Variants in DMAC2L observed in about 807,000 individuals in gnomAD.
DMAC2L encodes the protein distal membrane arm assembly component 2 like.
Under a neutral mutation model 22.5 loss-of-function variants are expected in DMAC2L, and 21 were observed. That is an observed-to-expected ratio of 0.93 (90% CI 0.66 to 1.34). The LOEUF is 1.34. Ranked by LOEUF, DMAC2L falls within the 40% of genes most tolerant of loss-of-function variation. The pLI, the probability that DMAC2L is intolerant of heterozygous loss-of-function variation, is 0.00. For synonymous variants in DMAC2L, 86 were observed against 89.5 expected, an observed-to-expected ratio of 0.96 and a Z score of 0.22; for missense variants, 239 against 246.5, an observed-to-expected ratio of 0.97 and a Z score of 0.20.
At chr14:50,314,249 G>A (rs971709153) in intron 1 of DMAC2L, among the ~76,000 whole-genome samples, 4 of 152,212 alleles carry the variant, frequency 2.6e-5, no homozygotes, top group Admixed American at 2.0e-4. Context: ...TAGTGAATGA[G>A]CCTCACAAGA....
chr14:50,319,280 G>A (rs748014591), intron 2 of DMAC2L: 14 of 1,535,960 alleles, frequency 9.1e-6, no homozygotes, highest in Admixed American at 2.0e-5. Flanking sequence ...GAAGACGGCT[G>A]TAGTGAAAAA....
chr14:50,321,659 C>A, intron 3 of DMAC2L, 65 bp downstream of exon 3: 1 of 1,197,378 alleles, frequency 8.4e-7, no homozygotes, highest in South Asian at 1.3e-5. Flanking sequence ...TTCCCAATAG[C>A]TTGTTTGGCT....
In DMAC2L at chr14:50,321,544, G is replaced by C. The variant is rs1269350332; in HGVS notation, c.57G>C (p.Trp19Cys). ...TGTGTGGCGTAAAGAAACTCCCATG[G>C]TCATGTGACTCCAGATACTTCTGGG... ...QQLCGVKKLP[W>C]SCDSRYFWGW... Residue 19 changes from tryptophan to cysteine, a missense_variant, in exon 3 of 6, where the codon TGG (tryptophan) becomes TGC (cysteine). By Grantham distance (215) the Trp-to-Cys change is radical (BLOSUM62 -2). Coordinates refer to ENST00000557421, the MANE Select transcript of DMAC2L (RefSeq NM_001382507.1). 1 of 1,613,976 alleles carries C rather than the reference G, an allele frequency of 6.2e-7. No individual in the cohort carries two copies. Among genetic ancestry groups the C allele is most frequent in the East Asian group, 2.2e-5 (1 of 44,882 alleles).
At chr14:50,317,239 G>C (rs954642057) in intron 2 of DMAC2L, among the ~76,000 whole-genome samples, 3 of 152,100 alleles carry the variant, frequency 2.0e-5, no homozygotes, top group Non-Finnish European at 4.4e-5. Context: ...CTTGGTCACT[G>C]TTGGTGTATA....
chr14:50,327,458 AC>A lies in DMAC2L; in HGVS notation c.*1736del, dbSNP rs1220135069. ...ATAGATTTCTGTGTGTTTGATTTGA[AC>A]TTTTTTTTTTTTTTTTTTTTTTTTG... On this transcript the variant is annotated 3_prime_UTR_variant, in exon 6 of 6. Transcript: ENST00000557421. The A allele has an allele frequency of 1.6e-5, 2 of 125,644 alleles. No individual in the cohort carries two copies. Among genetic ancestry groups the A allele is most frequent in the Admixed American group, 1.8e-4 (2 of 10,906 alleles). The allele number at this position is 125,644 out of a possible 1,614,324, so 7.8% of individuals were successfully genotyped here. A position where few individuals can be genotyped will look rare whatever the true frequency, so the allele number is the denominator to read the frequency against.
Position 50,321,554 on chromosome 14 carries a change from T to C in DMAC2L, c.67T>C (p.Ser23Pro), listed in dbSNP as rs1304262492. The change falls in exon 3 of 6, where the codon TCC becomes CCC. Residue 23 changes from serine (S) to proline (P), a missense_variant. Coordinates refer to ENST00000557421, the MANE Select transcript of DMAC2L (RefSeq NM_001382507.1). ...AAAGAAACTCCCATGGTCATGTGACTCCAGATACTTCTGGGGCTGGTTGAA... is the reference window on the plus strand; with the variant it reads ...AAAGAAACTCCCATGGTCATGTGACCCCAGATACTTCTGGGGCTGGTTGAA... ...GVKKLPWSCD[S>P]RYFWGWLNAV... 2 of 1,614,082 alleles carry C rather than the reference T, an allele frequency of 1.2e-6. No individual in the cohort carries two copies. The highest frequency in any genetic ancestry group is 1.7e-6 in the Non-Finnish European group (2 of 1,179,930).
At chr14:50,325,177 C>T (rs933891449) in intron 5 of DMAC2L, among the ~76,000 whole-genome samples, 11 of 152,120 alleles carry the variant, frequency 7.2e-5, no homozygotes, top group African/African-American at 1.9e-4. Context: ...CTGCCAGTAA[C>T]CTCAGTATCA....
intron 1 of DMAC2L, among the ~76,000 whole-genome samples, chr14:50,313,441 C>T (rs1595175419): frequency 6.6e-6 from 1 of 152,230 alleles, no homozygotes; most frequent in South Asian, 2.1e-4. Context: ...CACAGTGAAG[C>T]ATTTGCTACG....
At position 50,324,411 on chromosome 14, in the gene DMAC2L, C is replaced by T. The variant is rs569603246; in HGVS notation, c.488+295C>T. The stretch of plus-strand genomic sequence containing the variant: ...AAGCATCAACGATTATGCTTTCTCT[C>T]CTTTTTTTTTAAAGCAGTTTCTCCT... On this transcript the variant is annotated intron_variant, in intron 5 of 5. Transcript: ENST00000557421. 7.8e-4 allele frequency: 141 copies of T among 180,328 alleles called. 3 individuals are homozygous for T. The South Asian group carries it at 0.023, about 30-fold the overall frequency. 11.2% of individuals were successfully genotyped at this position (180,328 alleles called of 1,614,324 possible). A position where few individuals can be genotyped will look rare whatever the true frequency, so the allele number is the denominator to read the frequency against.
upstream of DMAC2L, chr14:50,311,872 T>C: frequency 8.6e-7 from 1 of 1,158,038 alleles, no homozygotes; most frequent in Non-Finnish European, 1.2e-6. Context: ...GCTCCTGGGA[T>C]CCGAGGTTGG....
chr14:50,319,163 A>C, intron 2 of DMAC2L: 1 of 1,530,246 alleles, frequency 6.5e-7, no homozygotes, highest in African/African-American at 1.4e-5. Context: ...TAAGATTGAC[A>C]ACTAATAGAG....
At chr14:50,316,781 G>A (rs1198634620) in intron 2 of DMAC2L, among the ~76,000 whole-genome samples, 1 of 152,168 alleles carries the variant, frequency 6.6e-6, no homozygotes, top group East Asian at 1.9e-4. Context: ...GTACCATGCT[G>A]TTTTGGTGAC....
At chr14:50,322,780 G>A in intron 4 of DMAC2L, 61 bp downstream of exon 4, 1 of 1,608,072 alleles carries the variant, frequency 6.2e-7, no homozygotes, top group Non-Finnish European at 8.5e-7. Context: ...CCATTTTGTT[G>A]CAGTTGACTC....
chr14:50,317,204 G>A lies in DMAC2L; in HGVS notation c.-6+2578G>A, dbSNP rs182314682. On this transcript the variant is annotated intron_variant, in intron 2 of 5. Coordinates refer to ENST00000557421, the MANE Select transcript of DMAC2L (RefSeq NM_001382507.1). The stretch of plus-strand genomic sequence containing the variant: ...TGTGTGTGTGGCTATTATAAAAGGG[G>A]TTGAGTTCTTGGTTTGATTCTCAGC... 9.5e-4 allele frequency among the ~76,000 whole-genome samples: 144 copies of A among 152,190 alleles called. 2 individuals are homozygous for A. In the East Asian group the frequency reaches 0.026, roughly 28 times the overall value.
At position 50,327,444 on chromosome 14, in the gene DMAC2L, T is replaced by C. The variant is rs1422736563; in HGVS notation, c.*1721T>C. The C allele has an allele frequency of 1.3e-5, 2 of 150,888 alleles. No homozygotes were observed. The highest frequency in any genetic ancestry group is 4.9e-5 in the African/African-American group (2 of 41,094). The allele number at this position is 150,888 out of a possible 1,614,324, so 9.3% of individuals were successfully genotyped here. ...ATGCCAGTTTGTTTATAGATTTCTG[T>C]GTGTTTGATTTGAACTTTTTTTTTT... On this transcript the variant is annotated 3_prime_UTR_variant, in exon 6 of 6. Coordinates refer to ENST00000557421, the MANE Select transcript of DMAC2L (RefSeq NM_001382507.1).
chr14:50,316,966 A>G (rs1472366162), intron 2 of DMAC2L, among the ~76,000 whole-genome samples: 2 of 152,138 alleles, frequency 1.3e-5, no homozygotes, highest in African/African-American at 4.8e-5. Context: ...ATTGATGGGA[A>G]GACTAATATC....
At chr14:50,321,343 A>G in intron 2 of DMAC2L, 140 bp from the exon 3 acceptor site, 1 of 1,369,884 alleles carries the variant, frequency 7.3e-7, no homozygotes, top group African/African-American at 1.5e-5. Flanking sequence ...AACAAGAAAC[A>G]GGAGTGACTT....
At chr14:50,322,945 T>G in intron 4 of DMAC2L, 1 of 1,399,690 alleles carries the variant, frequency 7.1e-7, no homozygotes. Flanking sequence ...ATGTCTCTAG[T>G]CTTTGGTTTA....
In DMAC2L at chr14:50,321,543, G is replaced by A; in HGVS notation, c.56G>A (p.Trp19Ter). 6.2e-7 allele frequency: 1 copy of A among 1,614,038 alleles called. No homozygotes were observed. The highest frequency in any genetic ancestry group is 1.1e-5 in the South Asian group (1 of 91,078). The change falls in exon 3 of 6, where the codon TGG becomes TAG. Residue 19 changes from tryptophan (W) to a stop codon, truncating the protein, a stop_gained. Coordinates refer to ENST00000557421, the MANE Select transcript of DMAC2L (RefSeq NM_001382507.1). LOFTEE classifies it high-confidence loss of function. ...TTGTGTGGCGTAAAGAAACTCCCAT[G>A]GTCATGTGACTCCAGATACTTCTGG... is the stretch of plus-strand genomic sequence containing the variant. Reference protein sequence around the residue: ...QQLCGVKKLPWSCDSRYFWGW... With the variant: ...QQLCGVKKLP
Sources: allele counts gnomAD v4.1 joint callset (sites outside exome capture counted in the v4.1 genomes callset), GRCh38; gene constraint gnomAD v4.1.1; transcripts MANE v1.5; gene names NCBI Gene and HGNC (gene_info 2026-07-23, HGNC 2026-07-21).